The following ATP8B1 variants were observed in gnomAD, a reference collection of about 807,000 sequenced individuals.
ATP8B1 encodes ATPase phospholipid transporting 8B1, also known as phospholipid-transporting ATPase IC.
A neutral mutation model predicts 149.9 loss-of-function variants in ATP8B1; 80 were observed. That is an observed-to-expected ratio of 0.53 (90% confidence interval 0.45 to 0.64). The LOEUF is 0.64. ATP8B1 is among the 30% of genes least tolerant of loss of function. The pLI is 0.00. For synonymous variants in ATP8B1, 536 were observed against 562.8 expected (o/e 0.95, Z 0.67); for missense variants, 1,247 against 1,552.6 (o/e 0.80, Z 3.31).
rs76238834 is a variant in ATP8B1, at chr18:57,718,021, C to G, written c.182-11434G>C. On this transcript the variant is annotated intron_variant, in intron 2 of 27. Coordinates refer to ENST00000648908, the MANE Select transcript of ATP8B1 (RefSeq NM_001374385.1). ...TCAGCCTCCCAAAGTGCTGGGATTA[C>G]AGGTGTGAGCCACTGTGCCTGGCCA... Among the ~76,000 whole-genome samples the G allele has an allele frequency of 2.7e-4, 39 of 143,700 alleles. 2 individuals are homozygous for G. In the East Asian group the frequency reaches 8.1e-3, roughly 30 times the overall value. 94.3% of individuals were successfully genotyped at this position (143,700 alleles called of 152,430 possible).
rs750655669 is a variant in ATP8B1 at position 57,704,614 on chromosome 18, G to A, written c.334C>T (p.Leu112=). 4.7e-5 allele frequency: 75 copies of A among 1,612,130 alleles called. No individual in the cohort carries two copies. The Admixed American group carries it at 7.5e-4, about 16-fold the overall frequency. Residue 112 remains leucine (L), a synonymous_variant, in exon 4 of 28, where the codon CTG becomes TTG. Coordinates refer to ENST00000648908, the MANE Select transcript of ATP8B1 (RefSeq NM_001374385.1). ...GCTGCTCTCTTAAACTGCTCAAACA[G>A]ATTCATTGGTATAAAGGTAAATGCG... The part of the protein sequence containing the change: ...YNAFTFIPMN[L]FEQFKRAANL...
intron 1 of ATP8B1, among the ~76,000 whole-genome samples, chr18:57,761,678 G>C (rs1331501690): frequency 6.6e-6 from 1 of 151,332 alleles, no homozygotes; most frequent in Non-Finnish European, 1.5e-5. Context: ...GACTAGGCCA[G>C]GTACAGTGGC....
intron 1 of ATP8B1, among the ~76,000 whole-genome samples, chr18:57,765,990 G>T (rs1257535311): frequency 1.3e-5 from 2 of 150,800 alleles, no homozygotes. Flanking sequence ...AAAAAAAAAT[G>T]TTAAGATGGT....
chr18:57,796,416 C>T (rs980303510), intron 1 of ATP8B1, among the ~76,000 whole-genome samples: 2 of 151,970 alleles, frequency 1.3e-5, no homozygotes, highest in Admixed American at 6.6e-5. Context: ...GAGACTAAGG[C>T]GAGAATCACT....
rs1388257165 is a variant in ATP8B1, at chr18:57,758,330, C to T, written c.-25-26498G>A. On this transcript the variant is annotated intron_variant, in intron 1 of 27. Coordinates refer to ENST00000648908, the MANE Select transcript of ATP8B1 (RefSeq NM_001374385.1). Reference sequence around the variant, plus strand: ...ACTTTACTGTTTTCTGTTTATCCGTCCTGTGTGTTTTACAAAGATAAGAAG... The same window carrying T: ...ACTTTACTGTTTTCTGTTTATCCGTTCTGTGTGTTTTACAAAGATAAGAAG... Among the ~76,000 whole-genome samples the T allele has an allele frequency of 2.6e-5, 4 of 152,084 alleles. No homozygotes were observed. In the East Asian group the frequency reaches 7.7e-4, roughly 29 times the overall value.
chr18:57,708,673 A>C (rs1226323530), intron 2 of ATP8B1: 2 of 152,256 alleles, frequency 1.3e-5, no homozygotes, highest in Non-Finnish European at 2.9e-5. Context: ...TCAAGAAGAC[A>C]GAAAAGGCCA....
At chr18:57,687,585 T>C (rs1294753400) in intron 13 of ATP8B1, among the ~76,000 whole-genome samples, 3 of 152,190 alleles carry the variant, frequency 2.0e-5, no homozygotes, top group Non-Finnish European at 4.4e-5. Context: ...TATTTCATTG[T>C]GCGTATCCAC....
At chr18:57,723,235 G>A (rs1221391430) in intron 2 of ATP8B1, among the ~76,000 whole-genome samples, 2 of 140,368 alleles carry the variant, frequency 1.4e-5, no homozygotes, top group African/African-American at 2.9e-5. Context: ...CATAGTGTTG[G>A]AAGTTCTGGC....
At chr18:57,703,576 CAAAAAA>C (rs35128451) in intron 4 of ATP8B1, among the ~76,000 whole-genome samples, 7 of 131,720 alleles carry the variant, frequency 5.3e-5, no homozygotes, top group Admixed American at 2.3e-4. Context: ...AACACGGTCT[CAAAAAA>C]AAAAAAAAAA....
At chr18:57,719,540 C>T (rs559258484) in intron 2 of ATP8B1, among the ~76,000 whole-genome samples, 2 of 152,344 alleles carry the variant, frequency 1.3e-5, no homozygotes, top group South Asian at 2.1e-4. Context: ...CCGAATATTG[C>T]GCTTTTCAGA....
intron 1 of ATP8B1, among the ~76,000 whole-genome samples, chr18:57,765,683 A>C (rs1197434157): frequency 6.6e-6 from 1 of 151,832 alleles, no homozygotes; most frequent in African/African-American, 2.4e-5. Context: ...GAAAAAAAAA[A>C]AAAAAGGTTA....
intron 1 of ATP8B1, chr18:57,737,672 C>T (rs989057591): frequency 6.6e-6 from 1 of 152,132 alleles, no homozygotes; most frequent in Admixed American, 6.6e-5. Context: ...TCCTTTTAGC[C>T]CTTTTCAAGT....
chr18:57,791,643 G>A (rs1048234018), intron 1 of ATP8B1, among the ~76,000 whole-genome samples: 3 of 151,942 alleles, frequency 2.0e-5, no homozygotes, highest in Admixed American at 6.6e-5. Flanking sequence ...CGTGCTCAGC[G>A]AAAATTTCCT....
At chr18:57,761,302 T>C (rs1294360119) in intron 1 of ATP8B1, among the ~76,000 whole-genome samples, 2 of 152,126 alleles carry the variant, frequency 1.3e-5, no homozygotes, top group Non-Finnish European at 2.9e-5. Context: ...TAGATTCAAA[T>C]GCAGTGGCCT....
chr18:57,762,080 C>T (rs183806978), intron 1 of ATP8B1, among the ~76,000 whole-genome samples: 2 of 151,330 alleles, frequency 1.3e-5, no homozygotes, highest in East Asian at 3.9e-4. Context: ...TAGAGTGGCA[C>T]ATTTGTTACA....
Position 57,748,970 on chromosome 18 carries a change from A to T in ATP8B1, c.-25-17138T>A, listed in dbSNP as rs543948444. On this transcript the variant is annotated intron_variant, in intron 1 of 27. Coordinates refer to ENST00000648908, the MANE Select transcript of ATP8B1 (RefSeq NM_001374385.1). ...ACATCTAGTCTGATTTGCATTTAAG[A>T]GAAAAGGTACACCTATAGAAGTATC... Among the ~76,000 whole-genome samples the T allele has an allele frequency of 6.6e-5, 10 of 152,384 alleles. No homozygotes were observed. In the South Asian group the frequency reaches 1.7e-3, roughly 25 times the overall value.
rs762860965 is a variant in ATP8B1, at chr18:57,650,353, T to C, written c.3531+14A>G. 1 of 1,611,794 alleles carries C rather than the reference T, an allele frequency of 6.2e-7. No homozygotes were observed. The highest frequency in any genetic ancestry group is 2.2e-5 in the East Asian group (1 of 44,764). ...GTGAGGGACAGAGTTGGGAAAGGAC[T>C]ATATTCTTTATACCTTATCACTTTC... On this transcript the variant is annotated intron_variant, in intron 27 of 27. Transcript: ENST00000648908.
chr18:57,674,241 CA>C (rs745500180), intron 16 of ATP8B1, among the ~76,000 whole-genome samples: 24 of 82,592 alleles, frequency 2.9e-4, no homozygotes, highest in Admixed American at 6.9e-4. Flanking sequence ...GACTCCATCT[CA>C]AAAAAAAAAA....
chr18:57,706,442 G>C (rs769143999), intron 3 of ATP8B1, 48 bp downstream of exon 3: 1 of 1,543,436 alleles, frequency 6.5e-7, no homozygotes, highest in Non-Finnish European at 8.9e-7. Context: ...CCAGCTACTG[G>C]AAAAAACTGC....
Sources: allele counts gnomAD v4.1 joint callset (sites outside exome capture counted in the v4.1 genomes callset), GRCh38; gene constraint gnomAD v4.1.1; transcripts MANE v1.5; gene names NCBI Gene and HGNC (gene_info 2026-07-23, HGNC 2026-07-21).